Variants in CNTNAP2 observed in about 807,000 individuals in gnomAD.
CNTNAP2 encodes the protein contactin-associated protein-like 2.
In CNTNAP2, 98 loss-of-function variants were observed where a neutral mutation model predicts 155.2. That is an observed-to-expected ratio of 0.63 (90% CI 0.54 to 0.75). CNTNAP2 has a LOEUF of 0.75. Ranked by LOEUF, CNTNAP2 falls within the 30% of genes least tolerant of loss-of-function variation. CNTNAP2 has a pLI of 0.00. For synonymous variants in CNTNAP2, 651 were observed against 631.2 expected, an observed-to-expected ratio of 1.03 and a Z score of -0.47; for missense variants, 1,727 against 1,688.1, an observed-to-expected ratio of 1.02 and a Z score of -0.40.
chr7:146,991,843 A>G lies in CNTNAP2; in HGVS notation c.403-52064A>G, dbSNP rs73463294. On this transcript the variant is annotated intron_variant, in intron 3 of 23. Coordinates refer to ENST00000361727, the MANE Select transcript of CNTNAP2 (RefSeq NM_014141.6). Reference sequence around the variant, plus strand: ...GTGTATTTAGAACTTAACAATGTGAATGGCATGAAGAATAAGTGATTATGC... The same window carrying G: ...GTGTATTTAGAACTTAACAATGTGAGTGGCATGAAGAATAAGTGATTATGC... 5.4e-3 allele frequency among the ~76,000 whole-genome samples: 819 copies of G among 152,302 alleles called. 3 individuals are homozygous for G. Among genetic ancestry groups the G allele is most frequent in the African/African-American group, 0.019 (789 of 41,568 alleles).
intron 3 of CNTNAP2, among the ~76,000 whole-genome samples, chr7:146,864,151 A>C (rs1795157630): frequency 6.6e-6 from 1 of 152,088 alleles, no homozygotes; most frequent in Non-Finnish European, 1.5e-5. Context: ...CCAAGACATA[A>C]AAATTACAAA....
In CNTNAP2 at chr7:147,682,716, C is replaced by A. The variant is rs555284288; in HGVS notation, c.2098+43410C>A. On this transcript the variant is annotated intron_variant, in intron 13 of 23. Coordinates refer to ENST00000361727, the MANE Select transcript of CNTNAP2 (RefSeq NM_014141.6). The stretch of plus-strand genomic sequence containing the variant: ...GCTGATCATCCAGGGACCTAGATAA[C>A]AACTAATTGCCTCATTATGCAAAGT... 7.9e-5 allele frequency among the ~76,000 whole-genome samples: 12 copies of A among 151,994 alleles called. No individual in the cohort carries two copies. In the East Asian group the frequency reaches 2.1e-3, roughly 27 times the overall value.
At chr7:147,914,672 C>A (rs1375873289) in intron 14 of CNTNAP2, among the ~76,000 whole-genome samples, 1 of 152,124 alleles carries the variant, frequency 6.6e-6, no homozygotes, top group Non-Finnish European at 1.5e-5. Flanking sequence ...GGTGATCCTC[C>A]CACTTCAGCT....
At chr7:147,922,755 T>C (rs755925122) in intron 14 of CNTNAP2, among the ~76,000 whole-genome samples, 8 of 152,150 alleles carry the variant, frequency 5.3e-5, no homozygotes, top group Non-Finnish European at 8.8e-5. Flanking sequence ...TTATCTCAAG[T>C]CTTTATGCAG....
chr7:148,275,112 T>C (rs1563021502), intron 21 of CNTNAP2, among the ~76,000 whole-genome samples: 1 of 152,218 alleles, frequency 6.6e-6, no homozygotes, highest in South Asian at 2.1e-4. Context: ...TTGGAAACTT[T>C]ATATATTCAA....
At chr7:147,424,780 A>G (rs927659756) in intron 10 of CNTNAP2, among the ~76,000 whole-genome samples, 3 of 152,148 alleles carry the variant, frequency 2.0e-5, no homozygotes, top group Non-Finnish European at 4.4e-5. Flanking sequence ...TTTCTCTCTC[A>G]GTTTTCTCCA....
intron 9 of CNTNAP2, among the ~76,000 whole-genome samples, chr7:147,373,841 T>G (rs1340887559): frequency 1.3e-5 from 2 of 152,034 alleles, no homozygotes; most frequent in Non-Finnish European, 2.9e-5. Flanking sequence ...ATAATTATAT[T>G]TCATCTAGCA....
intron 1 of CNTNAP2, among the ~76,000 whole-genome samples, chr7:146,287,609 G>T (rs987590742): frequency 1.3e-5 from 2 of 152,044 alleles, no homozygotes; most frequent in Non-Finnish European, 1.5e-5. Context: ...TTTTCTTAAG[G>T]CTTGTGACTT....
rs185639039 is a variant in CNTNAP2, at chr7:147,935,416, C to T, written c.2255+31695C>T. ...CTGGGATTACAGGCGTGAGCCACTG[C>T]GCCCAGCCGAGTAAATCTTTCTTTA... On this transcript the variant is annotated intron_variant, in intron 14 of 23. Coordinates refer to ENST00000361727, the MANE Select transcript of CNTNAP2 (RefSeq NM_014141.6). Among the ~76,000 whole-genome samples the T allele has an allele frequency of 4.2e-3, 644 of 152,252 alleles. 4 individuals are homozygous for T. The highest frequency in any genetic ancestry group is 0.014 in the Middle Eastern group (4 of 292).
At chr7:147,071,092 G>C (rs1488178158) in intron 4 of CNTNAP2, among the ~76,000 whole-genome samples, 1 of 152,006 alleles carries the variant, frequency 6.6e-6, no homozygotes, top group Non-Finnish European at 1.5e-5. Context: ...TTTCACCATA[G>C]ACACATTCCT....
chr7:147,023,921 T>C (rs1798857227), intron 3 of CNTNAP2, among the ~76,000 whole-genome samples: 1 of 152,248 alleles, frequency 6.6e-6, no homozygotes, highest in Non-Finnish European at 1.5e-5. Flanking sequence ...AGGGCCAAGC[T>C]GGCAATAAGT....
chr7:148,282,630 A>G (rs1796994142), intron 21 of CNTNAP2, among the ~76,000 whole-genome samples: 1 of 152,176 alleles, frequency 6.6e-6, no homozygotes, highest in Non-Finnish European at 1.5e-5. Context: ...TGGGTCACTC[A>G]TAAAAAGAAC....
At chr7:146,950,144 T>A (rs1333917542) in intron 3 of CNTNAP2, among the ~76,000 whole-genome samples, 1 of 152,026 alleles carries the variant, frequency 6.6e-6, no homozygotes, top group Non-Finnish European at 1.5e-5. Flanking sequence ...TATGAAAACA[T>A]GTGCATCTAA....
chr7:147,307,002 C>A (rs539792132), intron 9 of CNTNAP2, among the ~76,000 whole-genome samples: 1 of 152,298 alleles, frequency 6.6e-6, no homozygotes, highest in East Asian at 1.9e-4. Context: ...TCCAAAATTA[C>A]ATGTATTTAA....
intron 1 of CNTNAP2, among the ~76,000 whole-genome samples, chr7:146,573,621 A>G (rs916036938): frequency 1.3e-5 from 2 of 152,186 alleles, no homozygotes; most frequent in Admixed American, 6.5e-5. Context: ...TTGATTGGAA[A>G]AGGACACCTG....
At chr7:146,429,993 T>C (rs1272530177) in intron 1 of CNTNAP2, among the ~76,000 whole-genome samples, 7 of 152,144 alleles carry the variant, frequency 4.6e-5, no homozygotes, top group Admixed American at 1.3e-4. Flanking sequence ...ATAGTTTTTA[T>C]ATTTAGTTAT....
intron 21 of CNTNAP2, among the ~76,000 whole-genome samples, chr7:148,342,381 A>C (rs1042610567): frequency 2.6e-5 from 4 of 151,960 alleles, no homozygotes; most frequent in African/African-American, 9.7e-5. Flanking sequence ...CTCAACTTTA[A>C]AAAAAAATGC....
chr7:146,499,082 A>G (rs1215957062), intron 1 of CNTNAP2, among the ~76,000 whole-genome samples: 1 of 152,140 alleles, frequency 6.6e-6, no homozygotes, highest in Non-Finnish European at 1.5e-5. Context: ...GATTATCTGT[A>G]CTCTGCCAAT....
chr7:147,194,643 T>C (rs1802747234), intron 8 of CNTNAP2, among the ~76,000 whole-genome samples: 1 of 152,206 alleles, frequency 6.6e-6, no homozygotes, highest in Admixed American at 6.5e-5. Context: ...GGTATCTAAT[T>C]GTGGTTTTGA....
Sources: allele counts gnomAD v4.1 joint callset (sites outside exome capture counted in the v4.1 genomes callset), GRCh38; gene constraint gnomAD v4.1.1; transcripts MANE v1.5; gene names NCBI Gene and HGNC (gene_info 2026-07-23, HGNC 2026-07-21).